DOCK7: variants seen among roughly 807,000 people sequenced by gnomAD.
DOCK7 encodes the protein dedicator of cytokinesis 7.
DOCK7 carries 138 observed loss-of-function variants against 271.0 expected under a neutral mutation model. The observed-to-expected ratio is 0.51, with a 90% CI of 0.44 to 0.59. DOCK7 has a LOEUF of 0.59. Among genes scored for constraint, DOCK7 ranks in the 20% least tolerant of loss-of-function variants. DOCK7 has a pLI of 0.00. For synonymous variants in DOCK7, 823 were observed against 876.1 expected, an observed-to-expected ratio of 0.94 and a Z score of 1.07; for missense variants, 2,066 against 2,592.4, an observed-to-expected ratio of 0.80 and a Z score of 4.41.
rs895035163 is a variant in DOCK7 at position 62,528,073 on chromosome 1, T to A, written c.3936+78A>T. On this transcript the variant is annotated intron_variant, in intron 31 of 49. Coordinates refer to ENST00000635253, the MANE Select transcript of DOCK7 (RefSeq NM_001367561.1). ...ACTTTTGCATCAGCTGATACAATCATCTCATATATTTAAGGGCATATCCTA... is the reference window on the plus strand; with the variant it reads ...ACTTTTGCATCAGCTGATACAATCAACTCATATATTTAAGGGCATATCCTA... 5.7e-6 allele frequency: 8 copies of A among 1,403,564 alleles called. No individual in the cohort carries two copies. The African/African-American group carries it at 1.0e-4, about 18-fold the overall frequency. The allele number at this position is 1,403,564 out of a possible 1,614,324, so 86.9% of individuals were successfully genotyped here.
intron 37 of DOCK7, among the ~76,000 whole-genome samples, chr1:62,497,691 T>A (rs1646661816): frequency 6.6e-6 from 1 of 152,178 alleles, no homozygotes; most frequent in South Asian, 2.1e-4. Context: ...TCCATGCCTT[T>A]TTCTTTCATA....
rs747307973 is a variant in DOCK7 at position 62,504,718 on chromosome 1, C to T, written c.4676G>A (p.Arg1559Gln). Residue 1559 changes from arginine to glutamine, a missense_variant, in exon 37 of 50, where the codon CGA becomes CAA. Around this residue, in one of 2 missense-constraint regions of DOCK7, gnomAD observed 652 missense variants for 922.1 expected, o/e 0.71. Transcript: ENST00000635253. ...TGTACCGATGCTACTGCTACAGTGT[C>T]GGAGAAGCCTGAGGCATAAATCAGC... ...QCADLCLRLLRHCSSSIGTIR... is the reference protein window; with the variant it reads ...QCADLCLRLLQHCSSSIGTIR... 1.1e-5 allele frequency: 18 copies of T among 1,613,946 alleles called. 1 individual carries two copies. The highest frequency in any genetic ancestry group is 3.3e-5 in the South Asian group (3 of 91,070).
chr1:62,579,298 A>G (rs768482858), intron 16 of DOCK7, among the ~76,000 whole-genome samples: 2 of 152,202 alleles, frequency 1.3e-5, no homozygotes, highest in Non-Finnish European at 2.9e-5. Context: ...GGAGTTCTCT[A>G]TTTATGAGCC....
intron 9 of DOCK7, 89 bp downstream of exon 9, chr1:62,634,684 C>A: frequency 7.5e-7 from 1 of 1,340,314 alleles, no homozygotes; most frequent in South Asian, 1.4e-5. Context: ...ATGTAAAGGT[C>A]AAATCTTTGC....
chr1:62,516,444 T>C (rs952879300), intron 31 of DOCK7, among the ~76,000 whole-genome samples: 5 of 152,194 alleles, frequency 3.3e-5, no homozygotes, highest in Non-Finnish European at 7.4e-5. Context: ...TCTAGGTGTA[T>C]AGAAGTTAAT....
intron 43 of DOCK7, chr1:62,486,948 C>T (rs1646312108): frequency 1.3e-5 from 2 of 152,182 alleles, no homozygotes; most frequent in South Asian, 4.1e-4. Flanking sequence ...TTCTTAAAGG[C>T]ATATAAAATA....
chr1:62,641,370 C>T, intron 7 of DOCK7: 1 of 401,446 alleles, frequency 2.5e-6, no homozygotes, highest in African/African-American at 2.1e-5. Context: ...GCAGCAGGAA[C>T]CACAGTCCAC....
chr1:62,519,469 T>C lies in DOCK7; in HGVS notation c.3937-5571A>G, dbSNP rs556171091. Reference sequence around the variant, plus strand: ...AAACAAGGATATCTAGAAATTTTCATGACTGAAAATTTAAGACAAAAACAA... The same window carrying C: ...AAACAAGGATATCTAGAAATTTTCACGACTGAAAATTTAAGACAAAAACAA... On this transcript the variant is annotated intron_variant, in intron 31 of 49. Coordinates refer to ENST00000635253, the MANE Select transcript of DOCK7 (RefSeq NM_001367561.1). Among the ~76,000 whole-genome samples, 28 of 152,310 alleles carry C rather than the reference T, an allele frequency of 1.8e-4. No homozygotes were observed. In the South Asian group the frequency reaches 3.5e-3, roughly 19 times the overall value.
chr1:62,497,944 C>G (rs1433874303), intron 37 of DOCK7, among the ~76,000 whole-genome samples: 1 of 151,940 alleles, frequency 6.6e-6, no homozygotes, highest in Non-Finnish European at 1.5e-5. Context: ...TTTCTTCCAG[C>G]CATAACCATC....
chr1:62,578,739 A>AAC (rs1647017970), intron 17 of DOCK7, 89 bp downstream of exon 17: 5 of 1,032,084 alleles, frequency 4.8e-6, no homozygotes, highest in South Asian at 1.8e-5. Context: ...AAAAAAAAAA[A>AAC]CCCACAAATG....
intron 18 of DOCK7, among the ~76,000 whole-genome samples, chr1:62,568,674 A>C (rs1233923628): frequency 6.6e-6 from 1 of 150,932 alleles, no homozygotes; most frequent in African/African-American, 2.4e-5. Flanking sequence ...AACTAAAAGA[A>C]CTAGAGAACC....
intron 1 of DOCK7, among the ~76,000 whole-genome samples, chr1:62,664,857 T>C (rs1006486804): frequency 2.7e-5 from 4 of 150,858 alleles, no homozygotes; most frequent in African/African-American, 9.7e-5. Flanking sequence ...AATTAGAGGT[T>C]AGAGCTGAAA....
chr1:62,509,444 G>A (rs1184915439), intron 34 of DOCK7, among the ~76,000 whole-genome samples: 1 of 151,340 alleles, frequency 6.6e-6, no homozygotes, highest in Non-Finnish European at 1.5e-5. Context: ...AGAATCAGGA[G>A]AACACCAAAA....
intron 48 of DOCK7, among the ~76,000 whole-genome samples, chr1:62,462,045 T>C (rs1645544423): frequency 6.7e-6 from 1 of 149,644 alleles, no homozygotes; most frequent in Admixed American, 6.7e-5. Flanking sequence ...TACTCCAGCC[T>C]GGGCAACAAG....
In DOCK7 at chr1:62,643,693, A is replaced by G. The variant is rs924706961; in HGVS notation, c.818+3998T>C. On this transcript the variant is annotated intron_variant, in intron 7 of 49. Coordinates refer to ENST00000635253, the MANE Select transcript of DOCK7 (RefSeq NM_001367561.1). ...AAATTCTGAACAATTGTCAGCCATT[A>G]TCTCTTCAATAATTGTTTTCTTCTT... is the stretch of plus-strand genomic sequence containing the variant. Among the ~76,000 whole-genome samples the G allele has an allele frequency of 3.3e-5, 5 of 152,186 alleles. No individual in the cohort carries two copies. The East Asian group carries it at 9.6e-4, about 29-fold the overall frequency.
Position 62,631,377 on chromosome 1 carries a change from C to T in DOCK7, c.1145G>A (p.Ser382Asn). 6.2e-7 allele frequency: 1 copy of T among 1,605,872 alleles called. No homozygotes were observed. The highest frequency in any genetic ancestry group is 8.5e-7 in the Non-Finnish European group (1 of 1,177,804). ...KNKEKLEKLK[S>N]QADQFCQRLG... is the part of the protein sequence containing the mutation. ...TCTTTGGCAAAACTGATCTGCTTGA[C>T]TCTTCAGTTTCTCCAGTTTTTCTTT... Residue 382 changes from serine (S) to asparagine (N), a missense_variant, in exon 11 of 50, where the codon AGT (serine) becomes AAT (asparagine). Ser to Asn is a conservative substitution (Grantham distance 46). This residue lies in a region of DOCK7 where 1,414 missense variants were observed against 1,670.4 expected (regional missense o/e 0.85). Transcript: ENST00000635253.
intron 21 of DOCK7, 131 bp from the exon 22 acceptor site, chr1:62,553,032 C>CTTTTTTTTTTT (rs66892340): frequency 6.2e-6 from 1 of 161,410 alleles, no homozygotes; most frequent in African/African-American, 4.5e-5. Context: ...AAAAAATATA[C>CTTTTTTTTTTT]TTTTTTTTTT....
chr1:62,563,371 A>C (rs1187648931), intron 18 of DOCK7, among the ~76,000 whole-genome samples: 1 of 152,176 alleles, frequency 6.6e-6, no homozygotes, highest in Non-Finnish European at 1.5e-5. Context: ...GGAAACTCTC[A>C]ACTGAAATGA....
chr1:62,624,143 T>C (rs1014328096), intron 12 of DOCK7, among the ~76,000 whole-genome samples: 1 of 152,092 alleles, frequency 6.6e-6, no homozygotes, highest in Non-Finnish European at 1.5e-5. Context: ...ACAAAGACTT[T>C]CAAAATTTTC....
Sources: gnomAD v4.1 joint callset for allele counts (sites outside exome capture counted in the v4.1 genomes callset) on GRCh38, gnomAD v4.1.1 for gene constraint, gnomAD v4.1.1 regional missense constraint, MANE v1.5 for transcripts, NCBI Gene and HGNC (gene_info 2026-07-23, HGNC 2026-07-21) for gene names.